Variants in RBP2 observed in about 807,000 individuals in gnomAD.
RBP2 encodes retinol binding protein 2.
In RBP2, 17 loss-of-function variants were observed where a neutral mutation model predicts 17.0. That is an observed-to-expected ratio of 1.00 (90% CI 0.68 to 1.50). RBP2 has a LOEUF of 1.50. Among genes scored for constraint, RBP2 ranks in the 40% most tolerant of loss-of-function variants. The pLI is 0.00. For synonymous variants in RBP2, 48 were observed against 57.1 expected, an observed-to-expected ratio of 0.84 and a Z score of 0.72; for missense variants, 158 against 168.2, an observed-to-expected ratio of 0.94 and a Z score of 0.33.
chr3:139,460,786 C>A (rs1386597145), intron 2 of RBP2, among the ~76,000 whole-genome samples: 2 of 152,092 alleles, frequency 1.3e-5, no homozygotes, highest in Non-Finnish European at 2.9e-5. Flanking sequence ...AGCACAGATA[C>A]CTTGGGTCAG....
At chr3:139,460,361 C>G (rs946878464) in intron 2 of RBP2, among the ~76,000 whole-genome samples, 3 of 152,312 alleles carry the variant, frequency 2.0e-5, no homozygotes, top group Middle Eastern at 6.8e-3. Context: ...CAAGAGTGCT[C>G]TGGTGGAAAA....
At chr3:139,466,766 C>T (rs992836639) in intron 1 of RBP2, 9 of 152,354 alleles carry the variant, frequency 5.9e-5, no homozygotes, top group Admixed American at 1.3e-4. Flanking sequence ...CTGCCATCAT[C>T]ATAATATCAT....
chr3:139,461,935 G>A (rs1576422874), intron 2 of RBP2, among the ~76,000 whole-genome samples, 177 bp downstream of exon 2: 3 of 152,320 alleles, frequency 2.0e-5, no homozygotes, highest in African/African-American at 7.2e-5. Flanking sequence ...TCCTAGGCCT[G>A]CCTCTTCCTA....
At chr3:139,472,819 A>G (rs1453393071) in intron 1 of RBP2, among the ~76,000 whole-genome samples, 1 of 152,202 alleles carries the variant, frequency 6.6e-6, no homozygotes, top group Admixed American at 6.5e-5. Flanking sequence ...AAAAAACAGG[A>G]ATACCATTTG....
At position 139,476,440 on chromosome 3, in the gene RBP2, C is replaced by T. The variant is rs199658706; in HGVS notation, c.20G>A (p.Gly7Glu). MTRDQN[G>E]TWEMESNENF... ...TTCATTACTCTCCATCTCCCAGGTT[C>T]CATTCTGGTCCCTTGTCATGGTGGT... is the stretch of plus-strand genomic sequence containing the variant. Residue 7 changes from glycine to glutamate, a missense_variant, in exon 1 of 4, where the codon GGA becomes GAA. By Grantham distance (98) the Gly-to-Glu change is moderately conservative. Coordinates refer to ENST00000232217, the MANE Select transcript of RBP2 (RefSeq NM_004164.3). The T allele has an allele frequency of 5.6e-6, 9 of 1,613,968 alleles. No individual in the cohort carries two copies. In the East Asian group the frequency reaches 2.0e-4, roughly 36 times the overall value.
At position 139,462,041 on chromosome 3, in the gene RBP2, T is replaced by G. The variant is rs376373606; in HGVS notation, c.252+71A>C. 4.7e-6 allele frequency: 7 copies of G among 1,504,802 alleles called. No individual in the cohort carries two copies. In the African/African-American group the frequency reaches 8.5e-5, roughly 18 times the overall value. The allele number at this position is 1,504,802 out of a possible 1,614,324, so 93.2% of individuals were successfully genotyped here. On this transcript the variant is annotated intron_variant, in intron 2 of 3. Coordinates refer to ENST00000232217, the MANE Select transcript of RBP2 (RefSeq NM_004164.3). ...CAGGTTGTTTCTAATATTTTTTTTT[T>G]CATCATGATACCAAATAGCCAGCCC...
rs1423770958 is a variant in RBP2 at position 139,454,866 on chromosome 3, G to A, written c.253-36C>T. On this transcript the variant is annotated intron_variant, in intron 2 of 3. Coordinates refer to ENST00000232217, the MANE Select transcript of RBP2 (RefSeq NM_004164.3). ...AGATTCCCAGGCAAATCAAACACATGGTCTTGAGGGACTGAACAAATCTAA... is the reference window on the plus strand; with the variant it reads ...AGATTCCCAGGCAAATCAAACACATAGTCTTGAGGGACTGAACAAATCTAA... The A allele has an allele frequency of 1.9e-6, 3 of 1,584,288 alleles. No homozygotes were observed. In the East Asian group the frequency reaches 6.7e-5, roughly 35 times the overall value.
chr3:139,476,313 C>T, intron 1 of RBP2, 74 bp downstream of exon 1: 2 of 1,272,034 alleles, frequency 1.6e-6, no homozygotes, highest in Non-Finnish European at 2.3e-6. Context: ...AACTCCATAG[C>T]AGCACTGTCT....
chr3:139,467,802 A>G (rs1406258434), intron 1 of RBP2, among the ~76,000 whole-genome samples: 2 of 152,158 alleles, frequency 1.3e-5, no homozygotes, highest in Admixed American at 6.5e-5. Context: ...ATGTTTTGCA[A>G]GGGGCTTGGA....
intron 1 of RBP2, among the ~76,000 whole-genome samples, chr3:139,467,916 G>A (rs1020252074): frequency 1.2e-4 from 19 of 152,142 alleles, no homozygotes; most frequent in Admixed American, 1.2e-3. Context: ...TTTTCTCTGT[G>A]TGGATCAGTT....
At chr3:139,464,808 G>T (rs1296260863) in intron 1 of RBP2, among the ~76,000 whole-genome samples, 1 of 151,984 alleles carries the variant, frequency 6.6e-6, no homozygotes, top group Non-Finnish European at 1.5e-5. Context: ...GGAACCAGTG[G>T]GTCCCAAAGC....
At chr3:139,469,663 ATCTG>A (rs774785857) in intron 1 of RBP2, among the ~76,000 whole-genome samples, 3,219 of 145,742 alleles carry the variant, frequency 0.022, 52 homozygotes, top group African/African-American at 0.045. Flanking sequence ...TCAGACATCT[ATCTG>A]TCTGTCTGTC....
intron 1 of RBP2, among the ~76,000 whole-genome samples, chr3:139,475,071 C>T (rs1156759198): frequency 6.6e-6 from 1 of 152,042 alleles, no homozygotes; most frequent in Non-Finnish European, 1.5e-5. Flanking sequence ...TCTGTAATCC[C>T]AGCACTTTGG....
At chr3:139,461,970 G>T in intron 2 of RBP2, 142 bp downstream of exon 2, 1 of 806,760 alleles carries the variant, frequency 1.2e-6, no homozygotes, top group Admixed American at 2.7e-5. Flanking sequence ...ATTGCTCATT[G>T]CCAGCATGAT....
In RBP2 at chr3:139,462,123, G is replaced by A. The variant is rs372367121; in HGVS notation, c.241C>T (p.Arg81Trp). 112 of 1,613,872 alleles carry A rather than the reference G, an allele frequency of 6.9e-5. 1 individual carries two copies. Among genetic ancestry groups the A allele is most frequent in the East Asian group, 1.1e-4 (5 of 44,884 alleles). The change falls in exon 2 of 4, where the codon CGG becomes TGG. Residue 81 changes from arginine (R) to tryptophan (W), a missense_variant. Physicochemically the swap from Arg to Trp is moderately radical, Grantham distance 101. Coordinates refer to ENST00000232217, the MANE Select transcript of RBP2 (RefSeq NM_004164.3). ...GCCCCGGTCAGTACCTTAACATGCC[G>A]GTTATCCAGGCTCTTTGTGTACTCG... ...FDEYTKSLDN[R>W]HVKALVTWEG... is the part of the protein sequence containing the mutation.
chr3:139,473,810 G>A (rs369485574), intron 1 of RBP2, among the ~76,000 whole-genome samples: 5 of 152,140 alleles, frequency 3.3e-5, no homozygotes, highest in East Asian at 3.9e-4. Flanking sequence ...GAAGGACAAG[G>A]GGTCCTACCT....
At chr3:139,465,297 A>G (rs892959385) in intron 1 of RBP2, among the ~76,000 whole-genome samples, 3 of 152,152 alleles carry the variant, frequency 2.0e-5, no homozygotes, top group Non-Finnish European at 4.4e-5. Flanking sequence ...CAATTAAGAC[A>G]CGCTTTGTGT....
At chr3:139,458,979 T>G (rs574174540) in intron 2 of RBP2, among the ~76,000 whole-genome samples, 68 of 152,254 alleles carry the variant, frequency 4.5e-4, no homozygotes, top group African/African-American at 1.6e-3. Context: ...AGTCCCTGAC[T>G]CCTCAGAGGA....
At position 139,476,323 on chromosome 3, in the gene RBP2, T is replaced by G. The variant is rs1028781142; in HGVS notation, c.73+64A>C. 2.8e-6 allele frequency: 4 copies of G among 1,416,324 alleles called. No homozygotes were observed. The South Asian group carries it at 4.7e-5, about 17-fold the overall frequency. The allele number at this position is 1,416,324 out of a possible 1,614,324, so 87.7% of individuals were successfully genotyped here. A position where few individuals can be genotyped will look rare whatever the true frequency, so the allele number is the denominator to read the frequency against. On this transcript the variant is annotated intron_variant, in intron 1 of 3. Transcript: ENST00000232217. ...TGTTGAACTCCATAGCAGCACTGTC[T>G]GGAGGGCCAGACCACAGTACTCCCA...
Sources: allele counts gnomAD v4.1 joint callset (sites outside exome capture counted in the v4.1 genomes callset), GRCh38; gene constraint gnomAD v4.1.1; transcripts MANE v1.5; gene names NCBI Gene and HGNC (gene_info 2026-07-23, HGNC 2026-07-21).